The following SLC7A6 variants were observed in gnomAD, a reference collection of about 807,000 sequenced individuals.
SLC7A6 encodes the protein Y+L amino acid transporter 2.
SLC7A6 carries 29 observed loss-of-function variants against 46.6 expected under a neutral mutation model. The ratio of observed to expected loss-of-function variants is 0.62; its 90% CI spans 0.46 to 0.85. SLC7A6 has a LOEUF of 0.85. Ranked by LOEUF, SLC7A6 falls within the 40% of genes least tolerant of loss-of-function variation. The pLI, the probability that SLC7A6 is intolerant of heterozygous loss-of-function variation, is 0.00. For missense variants in SLC7A6, 527 were observed against 647.6 expected (o/e 0.81, Z 2.02); for synonymous variants, 276 against 257.3 (o/e 1.07, Z -0.70).
intron 3 of SLC7A6, among the ~76,000 whole-genome samples, chr16:68,284,045 T>C (rs894522040): frequency 6.6e-6 from 1 of 151,978 alleles, no homozygotes; most frequent in African/African-American, 2.4e-5. Flanking sequence ...GGGCTGATAG[T>C]AGGGTGAGGC....
chr16:68,297,718 G>A lies in SLC7A6; in HGVS notation c.*390G>A, dbSNP rs1459044935. ...TCCCTATAGAGGGGCTGCTTTATGG[G>A]AAGTTTTTCTCTGACCAGGTACAAC... On this transcript the variant is annotated 3_prime_UTR_variant, in exon 11 of 11. Transcript: ENST00000219343. 2 of 158,998 alleles carry A rather than the reference G, an allele frequency of 1.3e-5. No homozygotes were observed. The highest frequency in any genetic ancestry group is 4.8e-5 in the African/African-American group (2 of 41,614). 9.8% of individuals were successfully genotyped at this position (158,998 alleles called of 1,614,324 possible). A position where few individuals can be genotyped will look rare whatever the true frequency, so the allele number is the denominator to read the frequency against.
At chr16:68,267,206 ATTTTTT>A (rs1189220005) in intron 2 of SLC7A6, among the ~76,000 whole-genome samples, 30 of 87,662 alleles carry the variant, frequency 3.4e-4, no homozygotes, top group Non-Finnish European at 4.0e-4. Context: ...ATTGTGGTGG[ATTTTTT>A]TTTTTTTTTT....
In SLC7A6 at chr16:68,297,529, A is replaced by T; in HGVS notation, c.*201A>T. On this transcript the variant is annotated 3_prime_UTR_variant, in exon 11 of 11. Transcript: ENST00000219343. ...GCCAACCTCAAGGTGGGGGCTTCAG[A>T]GGGTGGGGGGAAGATTGGGGAACGG... The T allele has an allele frequency of 9.3e-4, 150 of 161,248 alleles. No homozygotes were observed. Among genetic ancestry groups the T allele is most frequent in the East Asian group, 2.7e-3 (15 of 5,568 alleles). 10.0% of individuals were successfully genotyped at this position (161,248 alleles called of 1,614,324 possible). A position where few individuals can be genotyped will look rare whatever the true frequency, so the allele number is the denominator to read the frequency against.
At chr16:68,265,674 T>C (rs565174884) in intron 1 of SLC7A6, 21 of 152,190 alleles carry the variant, frequency 1.4e-4, no homozygotes, top group Non-Finnish European at 1.3e-4. Flanking sequence ...CTGCCTGCAT[T>C]ACTCAGGTCC....
chr16:68,279,681 G>C (rs1164718159), intron 3 of SLC7A6, among the ~76,000 whole-genome samples: 1 of 152,194 alleles, frequency 6.6e-6, no homozygotes. Context: ...TGGGATTACA[G>C]GTGCAAGCTA....
intron 8 of SLC7A6, 59 bp from the exon 9 acceptor site, chr16:68,296,305 G>T: frequency 6.2e-7 from 1 of 1,602,028 alleles, no homozygotes. Context: ...GGGTGGGGGA[G>T]TCTCCTGGGG....
At chr16:68,283,190 A>G (rs2042860804) in intron 3 of SLC7A6, among the ~76,000 whole-genome samples, 1 of 152,248 alleles carries the variant, frequency 6.6e-6, no homozygotes, top group African/African-American at 2.4e-5. Context: ...GGTTTCAGAC[A>G]ACAGAAAACC....
intron 3 of SLC7A6, chr16:68,287,436 G>A (rs1399026899): frequency 2.3e-6 from 3 of 1,325,378 alleles, no homozygotes; most frequent in Non-Finnish European, 3.0e-6. Context: ...GTGGGAAAGA[G>A]TAGGTGAAAT....
In SLC7A6 at chr16:68,301,073, G is replaced by C; in HGVS notation, c.*3745G>C. On this transcript the variant is annotated 3_prime_UTR_variant, in exon 11 of 11. Coordinates refer to ENST00000219343, the MANE Select transcript of SLC7A6 (RefSeq NM_003983.6). ...TAGGGTCACTTTTGATTGAGGCAAAGGGGTCCTACTGTAAGTGGAAAAGAC... is the reference window on the plus strand; with the variant it reads ...TAGGGTCACTTTTGATTGAGGCAAACGGGTCCTACTGTAAGTGGAAAAGAC... The C allele has an allele frequency of 8.0e-7, 1 of 1,253,794 alleles. No homozygotes were observed. The highest frequency in any genetic ancestry group is 1.0e-6 in the Non-Finnish European group (1 of 997,798). The allele number at this position is 1,253,794 out of a possible 1,614,324, so 77.7% of individuals were successfully genotyped here.
At chr16:68,282,461 A>T (rs2042845800) in intron 3 of SLC7A6, among the ~76,000 whole-genome samples, 1 of 152,142 alleles carries the variant, frequency 6.6e-6, no homozygotes. Flanking sequence ...AAAAAAAGAC[A>T]CATACATTAC....
At chr16:68,291,161 C>T (rs1278875193) in intron 5 of SLC7A6, 48 bp from the exon 6 acceptor site, 1 of 1,613,240 alleles carries the variant, frequency 6.2e-7, no homozygotes, top group South Asian at 1.1e-5. Context: ...AACTTTGTTC[C>T]CAAGGAGAGG....
At chr16:68,282,859 T>G (rs963598140) in intron 3 of SLC7A6, among the ~76,000 whole-genome samples, 1 of 152,156 alleles carries the variant, frequency 6.6e-6, no homozygotes, top group Admixed American at 6.5e-5. Context: ...ACCTTGTGAT[T>G]TGCCCGCCTC....
intron 1 of SLC7A6, among the ~76,000 whole-genome samples, chr16:68,266,250 A>G (rs1443868415): frequency 1.3e-5 from 2 of 151,296 alleles, no homozygotes; most frequent in Non-Finnish European, 2.9e-5. Flanking sequence ...ACAGAGCGAG[A>G]CTCCATCTCC....
Position 68,297,408 on chromosome 16 carries a change from C to G in SLC7A6, c.*80C>G. The G allele has an allele frequency of 8.3e-7, 1 of 1,200,256 alleles. No individual in the cohort carries two copies. Among genetic ancestry groups the G allele is most frequent in the Non-Finnish European group, 1.2e-6 (1 of 826,608 alleles). 74.4% of individuals were successfully genotyped at this position (1,200,256 alleles called of 1,614,324 possible). A position where few individuals can be genotyped will look rare whatever the true frequency, so the allele number is the denominator to read the frequency against. On this transcript the variant is annotated 3_prime_UTR_variant, in exon 11 of 11. Transcript: ENST00000219343. ...ATAACAAGACTCTGTGGGCCCAACT[C>G]TCCTGAATTAAAGGAGCCTTTTGAC...
At chr16:68,270,334 T>G (rs1278164899) in intron 2 of SLC7A6, among the ~76,000 whole-genome samples, 1 of 151,652 alleles carries the variant, frequency 6.6e-6, no homozygotes, top group Non-Finnish European at 1.5e-5. Flanking sequence ...CCTCCAGGCA[T>G]AGAGGTTTTT....
In SLC7A6 at chr16:68,296,744, C is replaced by T; in HGVS notation, c.1387C>T (p.Pro463Ser). ...CATCGGGATTGCCCTTTCTGGAGTC[C>T]CTTTCTACTTCATGGGTGTTTACCT... ...IGIGIALSGV[P>S]FYFMGVYLPE... The change falls in exon 10 of 11, where the codon CCT (proline) becomes TCT (serine). Residue 463 changes from proline to serine, a missense_variant. Physicochemically the swap from Pro to Ser is moderately conservative, Grantham distance 74. Transcript: ENST00000219343. The T allele has an allele frequency of 1.2e-6, 2 of 1,614,098 alleles. No individual in the cohort carries two copies. Among genetic ancestry groups the T allele is most frequent in the Admixed American group, 1.7e-5 (1 of 60,010 alleles).
intron 2 of SLC7A6, among the ~76,000 whole-genome samples, chr16:68,268,386 A>G (rs2042569890): frequency 6.6e-6 from 1 of 152,228 alleles, no homozygotes; most frequent in Non-Finnish European, 1.5e-5. Flanking sequence ...GCATTTGGTC[A>G]CAGAACTCTT....
chr16:68,285,472 C>G (rs2151223911), intron 3 of SLC7A6, among the ~76,000 whole-genome samples: 1 of 152,328 alleles, frequency 6.6e-6, no homozygotes, highest in Non-Finnish European at 1.5e-5. Context: ...CTGGGAAGAC[C>G]TGCCAGCAGC....
At chr16:68,283,468 T>A (rs1341181849) in intron 3 of SLC7A6, among the ~76,000 whole-genome samples, 1 of 152,168 alleles carries the variant, frequency 6.6e-6, no homozygotes, top group Non-Finnish European at 1.5e-5. Context: ...AATATTTGCA[T>A]ACATCCCGGG....
Sources: allele counts gnomAD v4.1 joint callset (sites outside exome capture counted in the v4.1 genomes callset), GRCh38; gene constraint gnomAD v4.1.1; transcripts MANE v1.5; gene names NCBI Gene and HGNC (gene_info 2026-07-23, HGNC 2026-07-21).